The following POU2F2 variants were observed in gnomAD, a reference collection of about 807,000 sequenced individuals.
The protein encoded by POU2F2 is POU domain, class 2, transcription factor 2.
A neutral mutation model predicts 63.5 loss-of-function variants in POU2F2; 14 were observed. The observed-to-expected ratio is 0.22, with a 90% CI of 0.15 to 0.34. POU2F2 has a LOEUF of 0.34. Among genes scored for constraint, POU2F2 ranks in the 10% least tolerant of loss-of-function variants. The pLI, the probability that POU2F2 is intolerant of heterozygous loss-of-function variation, is 1.00. For synonymous variants in POU2F2, 306 were observed against 348.6 expected, an observed-to-expected ratio of 0.88 and a Z score of 1.36; for missense variants, 607 against 815.2, an observed-to-expected ratio of 0.74 and a Z score of 3.11.
intron 5 of POU2F2, among the ~76,000 whole-genome samples, chr19:42,100,184 T>C (rs1169777091): frequency 7.3e-6 from 1 of 137,766 alleles, no homozygotes; most frequent in Non-Finnish European, 1.5e-5. Context: ...CTCCGCCTCC[T>C]GGGTTCACGC....
chr19:42,116,892 G>A (rs1420263950), intron 5 of POU2F2: 27 of 478,372 alleles, frequency 5.6e-5, no homozygotes, highest in South Asian at 3.8e-4. Flanking sequence ...CGGCGGCGGC[G>A]GCAGCGGCGT....
rs750336775 is a variant in POU2F2, at chr19:42,132,423, C to T, written c.-12G>A. 2.0e-6 allele frequency: 3 copies of T among 1,493,728 alleles called. No individual in the cohort carries two copies. The highest frequency in any genetic ancestry group is 5.4e-5 in the East Asian group (2 of 36,932). 92.5% of individuals were successfully genotyped at this position (1,493,728 alleles called of 1,614,324 possible). A position where few individuals can be genotyped will look rare whatever the true frequency, so the allele number is the denominator to read the frequency against. On this transcript the variant is annotated 5_prime_UTR_variant, in exon 1 of 15. Coordinates refer to ENST00000692977, the MANE Select transcript of POU2F2 (RefSeq NM_001394376.1). Reference sequence around the variant, plus strand: ...CTGGAGTGAACCATGCTGCCCGCCCCGCCAGGGCTGGGGGAACAACTGTGT... The same window carrying T: ...CTGGAGTGAACCATGCTGCCCGCCCTGCCAGGGCTGGGGGAACAACTGTGT...
At chr19:42,192,276 A>G (rs2035082716) in intron 1 of POU2F2, among the ~76,000 whole-genome samples, 1 of 152,164 alleles carries the variant, frequency 6.6e-6, no homozygotes, top group African/African-American at 2.4e-5. Flanking sequence ...AGGTGAAGTG[A>G]CCAGGGAGTC....
rs987378209 is a variant in POU2F2, at chr19:42,132,316, G to A, written c.28+68C>T. 2.6e-6 allele frequency: 4 copies of A among 1,527,638 alleles called. No homozygotes were observed. In the East Asian group the frequency reaches 7.5e-5, roughly 29 times the overall value. The allele number at this position is 1,527,638 out of a possible 1,614,324, so 94.6% of individuals were successfully genotyped here. A position where few individuals can be genotyped will look rare whatever the true frequency, so the allele number is the denominator to read the frequency against. On this transcript the variant is annotated intron_variant, in intron 1 of 14. Transcript: ENST00000692977. ...ACAGCTGAGGAGGAGGGGCAGGCAG[G>A]GCCCGCAGAGCAAACCTAAATGTGC...
chr19:42,154,107 C>T (rs1244229330), intron 2 of POU2F2, among the ~76,000 whole-genome samples: 1 of 151,614 alleles, frequency 6.6e-6, no homozygotes, highest in Non-Finnish European at 1.5e-5. Flanking sequence ...TCCCCCCGCC[C>T]TCCCCCCACC....
intron 5 of POU2F2, among the ~76,000 whole-genome samples, chr19:42,113,852 G>C (rs541274698): frequency 6.6e-6 from 1 of 152,314 alleles, no homozygotes; most frequent in Admixed American, 6.5e-5. Flanking sequence ...CCGAGCCTAG[G>C]AGCCGGGGAA....
intron 1 of POU2F2, among the ~76,000 whole-genome samples, chr19:42,190,329 GT>G (rs2035062519): frequency 6.6e-6 from 1 of 151,788 alleles, no homozygotes; most frequent in African/African-American, 2.4e-5. Flanking sequence ...ATATATATAT[GT>G]TTGATAACAA....
At chr19:42,188,949 A>AAGGG (rs2035047027) in intron 1 of POU2F2, among the ~76,000 whole-genome samples, 1 of 148,250 alleles carries the variant, frequency 6.7e-6, no homozygotes, top group African/African-American at 2.6e-5. Context: ...GGAAGGAAGG[A>AAGGG]AGGGAGTTTT....
At chr19:42,123,457 G>A (rs1283217708) in intron 1 of POU2F2, among the ~76,000 whole-genome samples, 2 of 152,254 alleles carry the variant, frequency 1.3e-5, no homozygotes, top group South Asian at 2.1e-4. Context: ...ACAGAAAGGC[G>A]AGTGCTCACC....
At chr19:42,106,047 C>CTTTT (rs1237551229) in intron 5 of POU2F2, among the ~76,000 whole-genome samples, 3 of 131,054 alleles carry the variant, frequency 2.3e-5, no homozygotes, top group Non-Finnish European at 4.9e-5. Flanking sequence ...TTCTTTCTTT[C>CTTTT]TTTCTTCTTT....
rs1246125880 is a variant in POU2F2, at chr19:42,087,095, A to G, written c.*4162T>C. The G allele has an allele frequency of 7.6e-6, 1 of 132,300 alleles. No individual in the cohort carries two copies. The highest frequency in any genetic ancestry group is 2.8e-5 in the African/African-American group (1 of 35,808). The allele number at this position is 132,300 out of a possible 1,614,324, so 8.2% of individuals were successfully genotyped here. A position where few individuals can be genotyped will look rare whatever the true frequency, so the allele number is the denominator to read the frequency against. Reference sequence around the variant, plus strand: ...TTATTTTTATTTTTAATTTTTTTTCACTTTTTTTCCAACATATAAAAAGGT... The same window carrying G: ...TTATTTTTATTTTTAATTTTTTTTCGCTTTTTTTCCAACATATAAAAAGGT... On this transcript the variant is annotated 3_prime_UTR_variant, in exon 15 of 15. Coordinates refer to ENST00000692977, the MANE Select transcript of POU2F2 (RefSeq NM_001394376.1).
Position 42,099,608 on chromosome 19 carries a change from C to A in POU2F2, c.486G>T (p.Pro162=). Residue 162 remains proline (P), a synonymous_variant, in exon 7 of 15, where the codon CCG becomes CCT. Coordinates refer to ENST00000692977, the MANE Select transcript of POU2F2 (RefSeq NM_001394376.1). ...GAGGTAGCTGGAATAGATTTGGTGT[C>A]GGTAGCAGGCCTGGAAAGACAAGGG... ...QAQQSQPGLL[P]TPNLFQLPQQ... 6.2e-7 allele frequency: 1 copy of A among 1,613,582 alleles called. No homozygotes were observed. The highest frequency in any genetic ancestry group is 8.5e-7 in the Non-Finnish European group (1 of 1,179,698).
chr19:42,181,803 G>T (rs1320822880), intron 1 of POU2F2, among the ~76,000 whole-genome samples: 3 of 152,088 alleles, frequency 2.0e-5, no homozygotes, highest in Non-Finnish European at 4.4e-5. Context: ...GGTCAAGCTG[G>T]ACTCAAACTC....
At position 42,122,573 on chromosome 19, in the gene POU2F2, A is replaced by G; in HGVS notation, c.32T>C (p.Ile11Thr). ...GGCCTCCAGGGGCTTAGACATTCTTATTTCTGGGGACAGAGGAGGAATGGA... is the reference window on the plus strand; with the variant it reads ...GGCCTCCAGGGGCTTAGACATTCTTGTTTCTGGGGACAGAGGAGGAATGGA... The part of the protein sequence containing the change: MVHSSMGAPE[I>T]RMSKPLEAEK... The change falls in exon 2 of 15, where the codon ATA (isoleucine) becomes ACA (threonine). Residue 11 changes from isoleucine (I) to threonine (T), a missense_variant. Coordinates refer to ENST00000692977, the MANE Select transcript of POU2F2 (RefSeq NM_001394376.1). The G allele has an allele frequency of 1.3e-6, 2 of 1,581,572 alleles. No individual in the cohort carries two copies. Among genetic ancestry groups the G allele is most frequent in the Non-Finnish European group, 1.7e-6 (2 of 1,164,284 alleles).
intron 14 of POU2F2, 64 bp from the exon 15 acceptor site, chr19:42,091,655 A>G (rs1055310215): frequency 1.0e-5 from 16 of 1,547,644 alleles, no homozygotes; most frequent in Non-Finnish European, 1.3e-5. Flanking sequence ...TTTGCCTTCC[A>G]GCATCCTGCC....
intron 1 of POU2F2, among the ~76,000 whole-genome samples, chr19:42,189,303 G>A (rs1397152414): frequency 6.6e-6 from 1 of 152,172 alleles, no homozygotes. Flanking sequence ...CACAGGCCAA[G>A]GGGAGTCATG....
At chr19:42,131,138 C>A (rs1417475692) in intron 1 of POU2F2, among the ~76,000 whole-genome samples, 1 of 142,066 alleles carries the variant, frequency 7.0e-6, no homozygotes, top group African/African-American at 2.7e-5. Context: ...CCCATCCCAG[C>A]CCTGACCCCT....
chr19:42,090,961 A>AT lies in POU2F2; in HGVS notation c.*295dup, dbSNP rs2076689367. ...CGCGACTGGTTTTTTGGTTTGTTTG[A>AT]TTTTGTGGGTTTTTTTTTTTTTTGG... On this transcript the variant is annotated 3_prime_UTR_variant, in exon 15 of 15. Transcript: ENST00000692977. The surrounding 1 kb of genome is among the most constrained non-coding windows in gnomAD (Gnocchi z 4.4). 4.2e-6 allele frequency: 1 copy of AT among 236,402 alleles called. No individual in the cohort carries two copies. Among genetic ancestry groups the AT allele is most frequent in the Admixed American group, 5.9e-5 (1 of 17,020 alleles). 14.6% of individuals were successfully genotyped at this position (236,402 alleles called of 1,614,324 possible).
chr19:42,137,987 G>A (rs552327091), intron 2 of POU2F2, among the ~76,000 whole-genome samples: 2 of 152,320 alleles, frequency 1.3e-5, no homozygotes, highest in South Asian at 2.1e-4. Flanking sequence ...GTGAGGTGGA[G>A]AGGCGGCCAG....
Sources: allele counts gnomAD v4.1 joint callset (sites outside exome capture counted in the v4.1 genomes callset), GRCh38; gene constraint gnomAD v4.1.1; non-coding constraint Gnocchi (gnomAD v3.1); transcripts MANE v1.5; gene names NCBI Gene and HGNC (gene_info 2026-07-23, HGNC 2026-07-21).